TRIQK: variants seen among roughly 807,000 people sequenced by gnomAD.
The protein encoded by TRIQK is triple QxxK/R motif containing.
In TRIQK, 10 loss-of-function variants were observed where a neutral mutation model predicts 10.8. That is an observed-to-expected ratio of 0.92 (90% confidence interval 0.57 to 1.57). The LOEUF (loss-of-function observed/expected upper bound fraction) is 1.57. TRIQK is among the 40% of genes most tolerant of loss of function. TRIQK has a pLI of 0.00. For missense variants in TRIQK, 107 were observed against 97.7 expected (o/e 1.09, Z -0.40); for synonymous variants, 33 against 33.7 (o/e 0.98, Z 0.07).
intron 1 of TRIQK, among the ~76,000 whole-genome samples, chr8:93,001,305 C>CA (rs1229891736): frequency 0.014 from 1,085 of 78,662 alleles, 12 homozygotes; most frequent in African/African-American, 0.035. Flanking sequence ...GACTCCATCT[C>CA]AAAAAAAAAA....
intron 1 of TRIQK, among the ~76,000 whole-genome samples, chr8:92,956,594 A>G (rs1812184447): frequency 6.6e-6 from 1 of 151,878 alleles, no homozygotes; most frequent in Non-Finnish European, 1.5e-5. Flanking sequence ...ACAACTCTAC[A>G]GTCCTTATCT....
At chr8:92,920,009 A>G (rs1352103099) in intron 2 of TRIQK, among the ~76,000 whole-genome samples, 5 of 150,878 alleles carry the variant, frequency 3.3e-5, no homozygotes, top group Non-Finnish European at 4.4e-5. Flanking sequence ...ATTTTATTTG[A>G]GTTTTCTCCT....
chr8:92,925,939 G>T (rs970488091), intron 2 of TRIQK, among the ~76,000 whole-genome samples: 10 of 152,078 alleles, frequency 6.6e-5, no homozygotes, highest in African/African-American at 1.2e-4. Context: ...AAAATTGGGG[G>T]CATGGTGGCG....
chr8:92,935,687 T>C (rs1474890331), intron 2 of TRIQK, among the ~76,000 whole-genome samples: 1 of 151,134 alleles, frequency 6.6e-6, no homozygotes, highest in Non-Finnish European at 1.5e-5. Flanking sequence ...AATAATAACA[T>C]GGAACAAACT....
chr8:92,964,607 T>C (rs1414309711), intron 1 of TRIQK, among the ~76,000 whole-genome samples: 2 of 136,934 alleles, frequency 1.5e-5, no homozygotes, highest in Non-Finnish European at 3.0e-5. Flanking sequence ...AACCCTAAGA[T>C]TAAAAAAAAA....
intron 1 of TRIQK, among the ~76,000 whole-genome samples, chr8:92,996,119 T>C (rs1023799559): frequency 1.1e-4 from 16 of 152,054 alleles, no homozygotes; most frequent in African/African-American, 3.9e-4. Context: ...TGATTTTTAC[T>C]TTCTTAATTA....
At chr8:92,889,855 G>A (rs1816673599) in intron 4 of TRIQK, among the ~76,000 whole-genome samples, 1 of 151,632 alleles carries the variant, frequency 6.6e-6, no homozygotes, top group Non-Finnish European at 1.5e-5. Context: ...CTTATCCTGA[G>A]CTCAGTGCTA....
At chr8:92,989,781 A>G (rs558429470) in intron 1 of TRIQK, among the ~76,000 whole-genome samples, 6 of 152,340 alleles carry the variant, frequency 3.9e-5, no homozygotes, top group Non-Finnish European at 8.8e-5. Context: ...ATCTTCCACA[A>G]AGCTGGTCCC....
chr8:92,998,018 C>A (rs892583681), intron 1 of TRIQK, among the ~76,000 whole-genome samples: 1 of 151,770 alleles, frequency 6.6e-6, no homozygotes, highest in Non-Finnish European at 1.5e-5. Context: ...CTAATATTTA[C>A]AGAAATAATA....
chr8:92,924,037 A>C (rs1374917856), intron 2 of TRIQK, among the ~76,000 whole-genome samples: 1 of 152,032 alleles, frequency 6.6e-6, no homozygotes. Context: ...ATGTCCACAG[A>C]AAAAATAATT....
chr8:92,992,430 G>C (rs1486617504), intron 1 of TRIQK, among the ~76,000 whole-genome samples: 2 of 152,176 alleles, frequency 1.3e-5, no homozygotes, highest in African/African-American at 4.8e-5. Context: ...AGGCAAAGGT[G>C]CAATAGCACC....
chr8:92,909,530 T>C (rs1809459701), intron 3 of TRIQK, among the ~76,000 whole-genome samples: 1 of 151,820 alleles, frequency 6.6e-6, no homozygotes, highest in East Asian at 1.9e-4. Flanking sequence ...ATAGAAACAA[T>C]TCAAACCAAT....
At chr8:92,999,162 T>G (rs1354574969) in intron 1 of TRIQK, among the ~76,000 whole-genome samples, 1 of 152,176 alleles carries the variant, frequency 6.6e-6, no homozygotes, top group Non-Finnish European at 1.5e-5. Flanking sequence ...TACAAAGATT[T>G]TGGTAACATT....
rs542261808 is a variant in TRIQK at position 92,961,387 on chromosome 8, C to G, written c.-181+4620G>C. Among the ~76,000 whole-genome samples the G allele has an allele frequency of 3.3e-5, 5 of 152,154 alleles. No individual in the cohort carries two copies. The South Asian group carries it at 6.2e-4, about 19-fold the overall frequency. On this transcript the variant is annotated intron_variant, in intron 1 of 4. Coordinates refer to ENST00000521988, the MANE Select transcript of TRIQK (RefSeq NM_001171797.2). ...ACCTTCCCATCCTGAAAAAAAAAAT[C>G]TGATATACCTCCTCTGCCCAGAGAG...
At chr8:92,890,166 C>G (rs546047266) in intron 4 of TRIQK, among the ~76,000 whole-genome samples, 4 of 151,694 alleles carry the variant, frequency 2.6e-5, no homozygotes, top group Non-Finnish European at 5.9e-5. Flanking sequence ...GCCAAAATGA[C>G]AAGGCAATCA....
intron 1 of TRIQK, among the ~76,000 whole-genome samples, chr8:92,994,520 T>G (rs1233979582): frequency 6.6e-6 from 1 of 152,124 alleles, no homozygotes; most frequent in African/African-American, 2.4e-5. Flanking sequence ...GAGGAACAAT[T>G]TAAATAATTG....
chr8:92,955,903 A>T (rs1270772886), intron 1 of TRIQK, among the ~76,000 whole-genome samples: 2 of 151,632 alleles, frequency 1.3e-5, no homozygotes, highest in African/African-American at 4.8e-5. Context: ...TGGCTATTTT[A>T]AAAAAATGCA....
chr8:92,928,501 T>C (rs186371369), intron 2 of TRIQK, among the ~76,000 whole-genome samples: 2 of 152,350 alleles, frequency 1.3e-5, no homozygotes, highest in East Asian at 3.9e-4. Flanking sequence ...TGCATATTCC[T>C]GGGCCCCATC....
upstream of TRIQK, among the ~76,000 whole-genome samples, chr8:92,966,996 A>AAAAAAAAAAC: frequency 6.6e-6 from 1 of 150,742 alleles, no homozygotes; most frequent in Non-Finnish European, 1.5e-5. Flanking sequence ...AAAAAAAAAA[A>AAAAAAAAAAC]AAAAAACTGA....
Sources: allele counts gnomAD v4.1 joint callset (sites outside exome capture counted in the v4.1 genomes callset), GRCh38; gene constraint gnomAD v4.1.1; transcripts MANE v1.5; gene names NCBI Gene and HGNC (gene_info 2026-07-23, HGNC 2026-07-21).